The following GRIK1 variants were observed in gnomAD, a reference collection of about 807,000 sequenced individuals.
The protein encoded by GRIK1 is glutamate receptor ionotropic, kainate 1.
GRIK1 carries 69 observed loss-of-function variants against 105.7 expected under a neutral mutation model. The ratio of observed to expected loss-of-function variants is 0.65; its 90% CI spans 0.54 to 0.80. GRIK1 has a LOEUF of 0.80. Ranked by LOEUF, GRIK1 falls within the 30% of genes least tolerant of loss-of-function variation. The probability of loss-of-function intolerance (pLI) is 0.00; values close to 1 mark genes in which losing one functional copy is unlikely to be tolerated. For synonymous variants in GRIK1, 438 were observed against 431.3 expected, an observed-to-expected ratio of 1.02 and a Z score of -0.19; for missense variants, 1,109 against 1,167.3, an observed-to-expected ratio of 0.95 and a Z score of 0.73.
intron 14 of GRIK1, among the ~76,000 whole-genome samples, chr21:29,564,160 T>G (rs1262836641): frequency 1.3e-5 from 2 of 152,180 alleles, no homozygotes; most frequent in Non-Finnish European, 2.9e-5. Context: ...TTTATTTATT[T>G]TTTTTGAGAC....
chr21:29,872,833 A>G (rs1449516134), intron 1 of GRIK1, among the ~76,000 whole-genome samples: 1 of 152,050 alleles, frequency 6.6e-6, no homozygotes, highest in Non-Finnish European at 1.5e-5. Context: ...ATTACCCCCC[A>G]CTGGGTCCCT....
chr21:29,798,066 T>A (rs1393259462), intron 1 of GRIK1, among the ~76,000 whole-genome samples: 1 of 152,228 alleles, frequency 6.6e-6, no homozygotes, highest in African/African-American at 2.4e-5. Context: ...AGAGAATAGG[T>A]GGCATCTACT....
chr21:29,669,347 G>A (rs1266268348), intron 4 of GRIK1, among the ~76,000 whole-genome samples: 7 of 152,146 alleles, frequency 4.6e-5, no homozygotes, highest in South Asian at 2.1e-4. Flanking sequence ...GATGGAAAAC[G>A]CACATAAAGA....
chr21:29,611,983 C>T (rs1568884790), intron 7 of GRIK1, among the ~76,000 whole-genome samples: 1 of 152,202 alleles, frequency 6.6e-6, no homozygotes, highest in Non-Finnish European at 1.5e-5. Flanking sequence ...GCTCTGGCTT[C>T]CAGGATCCTA....
chr21:29,901,044 T>C (rs2070387394), intron 1 of GRIK1, among the ~76,000 whole-genome samples: 1 of 151,968 alleles, frequency 6.6e-6, no homozygotes, highest in South Asian at 2.1e-4. Flanking sequence ...GACTACTGGG[T>C]AAATAAAGAA....
chr21:29,591,060 T>C lies in GRIK1; in HGVS notation c.1365+52A>G, dbSNP rs950662030. On this transcript the variant is annotated intron_variant, in intron 10 of 17. Coordinates refer to ENST00000327783, the MANE Select transcript of GRIK1 (RefSeq NM_001330994.2). ...AAGACAGTTGAGGAATGCTTCGAAG[T>C]CTAAGGCAGGAGCCTGGATAAGACA... The C allele has an allele frequency of 2.2e-5, 21 of 970,048 alleles. No homozygotes were observed. The South Asian group carries it at 2.4e-4, about 11-fold the overall frequency. 60.1% of individuals were successfully genotyped at this position (970,048 alleles called of 1,614,324 possible).
chr21:29,602,109 G>A (rs985841947), intron 7 of GRIK1, among the ~76,000 whole-genome samples: 2 of 152,076 alleles, frequency 1.3e-5, no homozygotes, highest in Admixed American at 6.5e-5. Context: ...GAGTCATTTT[G>A]TCCCTTTTTT....
chr21:29,652,855 C>G (rs188564266), intron 5 of GRIK1, among the ~76,000 whole-genome samples: 1 of 152,200 alleles, frequency 6.6e-6, no homozygotes, highest in Non-Finnish European at 1.5e-5. Flanking sequence ...AGAAACACTT[C>G]GCAATTTGCA....
intron 1 of GRIK1, among the ~76,000 whole-genome samples, chr21:29,700,184 C>T (rs887442595): frequency 1.3e-5 from 2 of 152,040 alleles, no homozygotes; most frequent in African/African-American, 2.4e-5. Context: ...GCAGCGAGGA[C>T]GTAGGCAGTT....
At chr21:29,698,784 T>A (rs1472360211) in intron 1 of GRIK1, among the ~76,000 whole-genome samples, 1 of 152,142 alleles carries the variant, frequency 6.6e-6, no homozygotes. Flanking sequence ...TCACCCACCA[T>A]TGTCGAAGCA....
intron 14 of GRIK1, among the ~76,000 whole-genome samples, chr21:29,574,750 C>T (rs1297901630): frequency 7.0e-6 from 1 of 142,864 alleles, no homozygotes; most frequent in South Asian, 2.2e-4. Context: ...TGCAGTGGCG[C>T]AATCTCGGCT....
At chr21:29,669,371 A>C (rs1235450268) in intron 4 of GRIK1, among the ~76,000 whole-genome samples, 2 of 152,226 alleles carry the variant, frequency 1.3e-5, no homozygotes, top group Non-Finnish European at 2.9e-5. Flanking sequence ...TACCACATTG[A>C]CCTGGCAGAG....
At chr21:29,884,573 A>T (rs1469078281) in intron 1 of GRIK1, among the ~76,000 whole-genome samples, 1 of 152,046 alleles carries the variant, frequency 6.6e-6, no homozygotes, top group African/African-American at 2.4e-5. Flanking sequence ...GTAAAACATA[A>T]GAAAACATGA....
At chr21:29,911,205 T>C (rs369282540) in intron 1 of GRIK1, among the ~76,000 whole-genome samples, 10 of 152,144 alleles carry the variant, frequency 6.6e-5, no homozygotes, top group African/African-American at 2.4e-4. Flanking sequence ...CTTGCCCAAA[T>C]TCAAAAAGAG....
chr21:29,705,873 C>CTTTTTTT (rs1325677911), intron 1 of GRIK1, among the ~76,000 whole-genome samples: 1 of 135,728 alleles, frequency 7.4e-6, no homozygotes. Flanking sequence ...CTTTTCTTTT[C>CTTTTTTT]TTTTTTTTTT....
At chr21:29,786,699 A>G (rs1197155565) in intron 1 of GRIK1, among the ~76,000 whole-genome samples, 1 of 152,210 alleles carries the variant, frequency 6.6e-6, no homozygotes, top group Non-Finnish European at 1.5e-5. Context: ...TGACTGTAGC[A>G]CATGGAGGAT....
At chr21:29,834,266 A>G (rs1245855304) in intron 1 of GRIK1, among the ~76,000 whole-genome samples, 1 of 150,418 alleles carries the variant, frequency 6.6e-6, no homozygotes, top group Non-Finnish European at 1.5e-5. Context: ...GGAACTTGGA[A>G]GGAAATTTAT....
chr21:29,846,626 T>C (rs2068134169), intron 1 of GRIK1, among the ~76,000 whole-genome samples: 1 of 152,180 alleles, frequency 6.6e-6, no homozygotes, highest in Non-Finnish European at 1.5e-5. Flanking sequence ...CCTCCTTTAC[T>C]CAAAACTTCA....
In GRIK1 at chr21:29,689,650, T is replaced by A. The variant is rs1320996562; in HGVS notation, c.544+78A>T. The A allele has an allele frequency of 3.9e-6, 5 of 1,295,632 alleles. No homozygotes were observed. In the African/African-American group the frequency reaches 5.9e-5, roughly 15 times the overall value. The allele number at this position is 1,295,632 out of a possible 1,614,324, so 80.3% of individuals were successfully genotyped here. ...GCATTTTTATGCTCCATCTGATGAG[T>A]TTAATGACTATTTGATACTTTCGTT... On this transcript the variant is annotated intron_variant, in intron 3 of 17. Coordinates refer to ENST00000327783, the MANE Select transcript of GRIK1 (RefSeq NM_001330994.2).
Sources: allele counts gnomAD v4.1 joint callset (sites outside exome capture counted in the v4.1 genomes callset), GRCh38; gene constraint gnomAD v4.1.1; transcripts MANE v1.5; gene names NCBI Gene and HGNC (gene_info 2026-07-23, HGNC 2026-07-21).